Variants in EMSY observed in about 807,000 individuals in gnomAD.
EMSY encodes the protein BRCA2-interacting transcriptional repressor EMSY.
In EMSY, 26 loss-of-function variants were observed where a neutral mutation model predicts 134.6. The ratio of observed to expected loss-of-function variants is 0.19; its 90% CI spans 0.14 to 0.27. EMSY has a LOEUF of 0.27. Ranked by LOEUF, EMSY falls within the 10% of genes least tolerant of loss-of-function variation. The pLI is 1.00. For missense variants in EMSY, 1,305 were observed against 1,611.4 expected (o/e 0.81, Z 3.26); for synonymous variants, 579 against 577.8 (o/e 1.00, Z -0.03).
chr11:76,531,834 TCTG>T, intron 14 of EMSY, among the ~76,000 whole-genome samples: 1 of 152,290 alleles, frequency 6.6e-6, no homozygotes, highest in African/African-American at 2.4e-5. Context: ...AGGTCCTTTT[TCTG>T]GTGACTTCTG....
intron 20 of EMSY, among the ~76,000 whole-genome samples, chr11:76,549,121 T>C (rs1329183848): frequency 6.6e-6 from 1 of 152,196 alleles, no homozygotes; most frequent in Non-Finnish European, 1.5e-5. Flanking sequence ...TTGGTGGTCA[T>C]GGAAGGAAAG....
At chr11:76,459,832 A>C (rs1457416973) in intron 5 of EMSY, 101 bp from the exon 7 acceptor site, 1 of 1,366,780 alleles carries the variant, frequency 7.3e-7, no homozygotes, top group Non-Finnish European at 1.0e-6. Flanking sequence ...ACTTCTGATC[A>C]CATGAAAATG....
exon 21 of EMSY, chr11:76,550,088 G>A (rs770669555): frequency 6.2e-7 from 1 of 1,613,816 alleles, no homozygotes; most frequent in Non-Finnish European, 8.5e-7. Context: ...GACATAGACA[G>A]TAGCACGGAG....
chr11:76,551,869 T>TA (rs1476450900), downstream of EMSY: 1 of 152,162 alleles, frequency 6.6e-6, no homozygotes, highest in African/African-American at 2.4e-5. Flanking sequence ...AGCCCTCTGT[T>TA]ATGATCAATC....
At chr11:76,495,050 T>G (rs2135781255) in intron 8 of EMSY, among the ~76,000 whole-genome samples, 1 of 152,294 alleles carries the variant, frequency 6.6e-6, no homozygotes, top group East Asian at 1.9e-4. Context: ...TGTCTCAAAG[T>G]GTCCCTCAGT....
intron 8 of EMSY, among the ~76,000 whole-genome samples, chr11:76,490,853 GGGGTGT>G (rs1326558759): frequency 2.0e-5 from 3 of 149,274 alleles, no homozygotes; most frequent in Non-Finnish European, 4.5e-5. Flanking sequence ...TCATTGCTAG[GGGGTGT>G]GTGTGTGTGT....
chr11:76,472,719 T>C (rs765606023), exon 8 of EMSY: 4 of 1,614,170 alleles, frequency 2.5e-6, no homozygotes, highest in Non-Finnish European at 2.5e-6. Context: ...CACAGTCCTC[T>C]CTGGTCAGTA....
At chr11:76,461,823 T>C (rs1289645966) in intron 6 of EMSY, among the ~76,000 whole-genome samples, 2 of 151,966 alleles carry the variant, frequency 1.3e-5, no homozygotes, top group African/African-American at 4.8e-5. Context: ...TCCGAGCTAT[T>C]TGGGAGGCTG....
intron 9 of EMSY, among the ~76,000 whole-genome samples, chr11:76,512,036 C>A (rs1328869344): frequency 2.6e-5 from 4 of 152,088 alleles, no homozygotes; most frequent in Non-Finnish European, 4.4e-5. Context: ...TTATGTAAGG[C>A]TATTAAATAA....
At chr11:76,473,432 G>C (rs1434804865) in intron 8 of EMSY, among the ~76,000 whole-genome samples, 1 of 151,646 alleles carries the variant, frequency 6.6e-6, no homozygotes, top group Non-Finnish European at 1.5e-5. Flanking sequence ...TCAGCCTTCT[G>C]AGTAGCTGGG....
At chr11:76,452,598 A>C (rs549582976) in intron 3 of EMSY, among the ~76,000 whole-genome samples, 25 of 152,302 alleles carry the variant, frequency 1.6e-4, no homozygotes, top group Non-Finnish European at 3.2e-4. Context: ...AATAGTATGG[A>C]ATACAATTTG....
At chr11:76,453,332 C>T in exon 4 of EMSY, 1 of 1,612,984 alleles carries the variant, frequency 6.2e-7, no homozygotes, top group Non-Finnish European at 8.5e-7. Context: ...CAGAACGCCA[C>T]CGTGCTGAAG....
chr11:76,542,071 G>A, intron 17 of EMSY, 145 bp from the exon 19 acceptor site: 3 of 966,792 alleles, frequency 3.1e-6, no homozygotes, highest in South Asian at 1.4e-5. Context: ...TCATAGATGG[G>A]CAGACTGTGG....
chr11:76,509,444 G>A (rs541323960), intron 9 of EMSY, among the ~76,000 whole-genome samples: 2 of 152,304 alleles, frequency 1.3e-5, no homozygotes, highest in African/African-American at 4.8e-5. Context: ...AGTGAACCAA[G>A]ATTGCACCAC....
chr11:76,516,324 TG>T lies in EMSY; in HGVS notation c.1684+13del. 6.3e-7 allele frequency: 1 copy of T among 1,589,508 alleles called. No individual in the cohort carries two copies. The highest frequency in any genetic ancestry group is 8.6e-7 in the Non-Finnish European group (1 of 1,160,714). ...TAATATAGTTTCTGGTAGGTATATCTGAAATATGTTAAAGGTATAGGTGGCC... is the reference window on the plus strand; with the variant it reads ...TAATATAGTTTCTGGTAGGTATATCTAAATATGTTAAAGGTATAGGTGGCC... On this transcript the variant is annotated intron_variant, in intron 11 of 20. Transcript: ENST00000334736.
At chr11:76,552,280 G>T (rs1024977367), downstream of EMSY, 24 of 152,182 alleles carry the variant, frequency 1.6e-4, no homozygotes, top group African/African-American at 5.1e-4. Flanking sequence ...TTATAAACAG[G>T]GCTTCCTGCT....
chr11:76,491,983 A>G (rs997922506), intron 8 of EMSY, among the ~76,000 whole-genome samples: 1 of 152,058 alleles, frequency 6.6e-6, no homozygotes, highest in Non-Finnish European at 1.5e-5. Context: ...GTAATGATAG[A>G]CTCGTGTGAT....
chr11:76,537,919 G>A, exon 16 of EMSY: 1 of 1,613,558 alleles, frequency 6.2e-7, no homozygotes, highest in Non-Finnish European at 8.5e-7. Flanking sequence ...CTGTGGTAGA[G>A]TCAGAACTAG....
intron 8 of EMSY, among the ~76,000 whole-genome samples, chr11:76,478,711 A>G (rs942397725): frequency 3.3e-5 from 5 of 151,712 alleles, no homozygotes; most frequent in Non-Finnish European, 7.4e-5. Context: ...TTCTTCATAT[A>G]TCGTTGCTTC....
Sources: allele counts gnomAD v4.1 joint callset (sites outside exome capture counted in the v4.1 genomes callset), GRCh38; gene constraint gnomAD v4.1.1; transcripts MANE v1.5; gene names NCBI Gene and HGNC (gene_info 2026-07-23, HGNC 2026-07-21).